Variants in FNTB observed in about 807,000 individuals in gnomAD.
FNTB encodes protein farnesyltransferase subunit beta.
In FNTB, 27 loss-of-function variants were observed where a neutral mutation model predicts 59.4. The ratio of observed to expected loss-of-function variants is 0.45; its 90% CI spans 0.34 to 0.63. FNTB has a LOEUF of 0.63. Ranked by LOEUF, FNTB falls within the 20% of genes least tolerant of loss-of-function variation. FNTB has a pLI of 0.02. For missense variants in FNTB, 449 were observed against 559.6 expected (o/e 0.80, Z 1.99); for synonymous variants, 230 against 220.7 (o/e 1.04, Z -0.37).
intron 7 of FNTB, 48 bp from the exon 8 acceptor site, chr14:65,040,742 A>G: frequency 1.3e-6 from 2 of 1,592,750 alleles, no homozygotes; most frequent in Non-Finnish European, 1.7e-6. Flanking sequence ...GGTCTTGTGT[A>G]CGTCCACTCA....
rs1431909150 is a variant in FNTB, at chr14:65,011,987, G to C, written c.210-330G>C. 6.6e-6 allele frequency among the ~76,000 whole-genome samples: 1 copy of C among 152,190 alleles called. No individual in the cohort carries two copies. Among genetic ancestry groups the C allele is most frequent in the Non-Finnish European group, 1.5e-5 (1 of 68,034 alleles). On this transcript the variant is annotated intron_variant, in intron 2 of 11. Coordinates refer to ENST00000246166, the MANE Select transcript of FNTB (RefSeq NM_002028.4). The surrounding 1 kb of genome is among the most constrained non-coding windows in gnomAD (Gnocchi z 4.0). ...CAAAGATATCTGTTCTTAGATGCTGGAGGAAGTTTCTGGGTGGACTGTCAT... is the reference window on the plus strand; with the variant it reads ...CAAAGATATCTGTTCTTAGATGCTGCAGGAAGTTTCTGGGTGGACTGTCAT...
chr14:65,043,690 C>T (rs1421646058), intron 8 of FNTB, among the ~76,000 whole-genome samples: 3 of 151,236 alleles, frequency 2.0e-5, no homozygotes, highest in South Asian at 2.1e-4. Context: ...GGCGCGGTGG[C>T]GGGCGCCTGT....
In FNTB at chr14:65,029,959, G is replaced by A. The variant is rs1038918953; in HGVS notation, c.605+2178G>A. On this transcript the variant is annotated intron_variant, in intron 6 of 11. Transcript: ENST00000246166. This position sits in a 1 kb window ranked among gnomAD's most constrained non-coding sequence, Gnocchi z 4.7. ...CTTGGATTTGGGTGATGGCAGCAAG[G>A]ATGGAAAGTTAGTGGACAAATTCAA... Among the ~76,000 whole-genome samples, 11 of 152,202 alleles carry A rather than the reference G, an allele frequency of 7.2e-5. No individual in the cohort carries two copies. Among genetic ancestry groups the A allele is most frequent in the African/African-American group, 1.9e-4 (8 of 41,458 alleles).
At chr14:65,025,255 C>T (rs1440748948) in intron 4 of FNTB, among the ~76,000 whole-genome samples, 1 of 152,094 alleles carries the variant, frequency 6.6e-6, no homozygotes. Context: ...AGTAGTGTTG[C>T]GTTCGGCACG....
At chr14:65,037,426 T>C (rs2062224311) in intron 7 of FNTB, among the ~76,000 whole-genome samples, 10 of 115,984 alleles carry the variant, frequency 8.6e-5, no homozygotes, top group Non-Finnish European at 1.2e-4. Flanking sequence ...TTTTTTTTTT[T>C]TTTTTTTTTT....
At chr14:65,019,078 C>G (rs948530653) in intron 4 of FNTB, among the ~76,000 whole-genome samples, 2 of 152,206 alleles carry the variant, frequency 1.3e-5, no homozygotes, top group Non-Finnish European at 2.9e-5. Context: ...GAGGCTGAGG[C>G]AGGAGACTCG....
chr14:64,995,347 CAT>C (rs1271884822), intron 1 of FNTB, among the ~76,000 whole-genome samples: 3 of 152,062 alleles, frequency 2.0e-5, no homozygotes, highest in Non-Finnish European at 4.4e-5. Flanking sequence ...GTATAGTAAA[CAT>C]GTGAATTAGT....
chr14:65,034,406 T>G (rs1257101510), intron 7 of FNTB, among the ~76,000 whole-genome samples: 1 of 152,258 alleles, frequency 6.6e-6, no homozygotes, highest in Non-Finnish European at 1.5e-5. Flanking sequence ...TTTTAATATC[T>G]TGCATGTATC....
intron 4 of FNTB, among the ~76,000 whole-genome samples, chr14:65,017,558 T>A (rs2061800877): frequency 1.3e-5 from 2 of 152,338 alleles, no homozygotes; most frequent in South Asian, 4.1e-4. Context: ...CAGCGCCGCT[T>A]CTGGGGCAAT....
chr14:65,006,034 T>C, intron 2 of FNTB: 4 of 1,175,942 alleles, frequency 3.4e-6, no homozygotes, highest in South Asian at 1.5e-5. Context: ...CTTTCCTCCT[T>C]CATCATGTCT....
rs192164198 is a variant in FNTB at position 65,032,307 on chromosome 14, C to T, written c.606-303C>T. On this transcript the variant is annotated intron_variant, in intron 6 of 11. Coordinates refer to ENST00000246166, the MANE Select transcript of FNTB (RefSeq NM_002028.4). This position sits in a 1 kb window ranked among gnomAD's most constrained non-coding sequence, Gnocchi z 5.0. ...CCATTATAGGTCTTTGAAAGAAGAG[C>T]TGAATCCACTTTTGACATGAATTGA... 9.9e-5 allele frequency: 25 copies of T among 252,596 alleles called. No homozygotes were observed. The East Asian group carries it at 1.8e-3, about 18-fold the overall frequency. 15.6% of individuals were successfully genotyped at this position (252,596 alleles called of 1,614,324 possible). A position where few individuals can be genotyped will look rare whatever the true frequency, so the allele number is the denominator to read the frequency against.
chr14:65,037,103 C>CT (rs542635964), intron 7 of FNTB, among the ~76,000 whole-genome samples: 127 of 144,054 alleles, frequency 8.8e-4, no homozygotes, highest in South Asian at 4.6e-3. Context: ...TGTGTTTGCT[C>CT]TTTTTTTTTT....
intron 2 of FNTB, among the ~76,000 whole-genome samples, chr14:65,004,559 A>G (rs1248142053): frequency 1.3e-5 from 2 of 152,212 alleles, no homozygotes; most frequent in Non-Finnish European, 2.9e-5. Context: ...CAATGCCTCA[A>G]TTCTGAGGTC....
chr14:65,024,159 G>A (rs1475604315), intron 4 of FNTB, among the ~76,000 whole-genome samples: 2 of 151,810 alleles, frequency 1.3e-5, no homozygotes, highest in African/African-American at 4.8e-5. Flanking sequence ...AATTAGAGCT[G>A]CAGTTTAGCA....
At chr14:65,037,953 C>T (rs370707711) in intron 7 of FNTB, among the ~76,000 whole-genome samples, 8 of 151,242 alleles carry the variant, frequency 5.3e-5, no homozygotes, top group South Asian at 2.1e-4. Flanking sequence ...CTAATTTTTA[C>T]GGGGTTTCGC....
At chr14:64,999,550 T>A (rs949737593) in intron 1 of FNTB, among the ~76,000 whole-genome samples, 14 of 152,108 alleles carry the variant, frequency 9.2e-5, no homozygotes, top group African/African-American at 3.1e-4. Flanking sequence ...TAAAATTGAT[T>A]GTGATGGATG....
Position 65,044,184 on chromosome 14 carries a change from A to T in FNTB, c.823-127A>T. On this transcript the variant is annotated intron_variant, in intron 8 of 11. Transcript: ENST00000246166. The surrounding 1 kb of genome is among the most constrained non-coding windows in gnomAD (Gnocchi z 5.5). ...GAAGGAAAGAAAACCAGAGCACCAA[A>T]ACTAGAGTGCCAAGAAGCCACAAGA... The T allele has an allele frequency of 1.3e-6, 2 of 1,532,264 alleles. No individual in the cohort carries two copies. The highest frequency in any genetic ancestry group is 4.5e-5 in the East Asian group (2 of 44,088). The allele number at this position is 1,532,264 out of a possible 1,614,324, so 94.9% of individuals were successfully genotyped here. A position where few individuals can be genotyped will look rare whatever the true frequency, so the allele number is the denominator to read the frequency against.
At chr14:65,039,919 T>A (rs1174256468) in intron 7 of FNTB, among the ~76,000 whole-genome samples, 1 of 152,204 alleles carries the variant, frequency 6.6e-6, no homozygotes, top group Non-Finnish European at 1.5e-5. Flanking sequence ...CCAAGTGCGG[T>A]GGCCCATGCC....
Position 65,009,424 on chromosome 14 carries a change from C to T in FNTB, c.210-2893C>T, listed in dbSNP as rs1237505158. Among the ~76,000 whole-genome samples, 4 of 152,160 alleles carry T rather than the reference C, an allele frequency of 2.6e-5. No homozygotes were observed. The highest frequency in any genetic ancestry group is 4.4e-5 in the Non-Finnish European group (3 of 68,026). ...CACACCCACCACCGTGGCCACTCCA[C>T]AGCTCTCCCACCATCTTGACTCCTA... On this transcript the variant is annotated intron_variant, in intron 2 of 11. Transcript: ENST00000246166. The surrounding 1 kb of genome is among the most constrained non-coding windows in gnomAD (Gnocchi z 4.2).
Sources: allele counts gnomAD v4.1 joint callset (sites outside exome capture counted in the v4.1 genomes callset), GRCh38; gene constraint gnomAD v4.1.1; non-coding constraint Gnocchi (gnomAD v3.1); transcripts MANE v1.5; gene names NCBI Gene and HGNC (gene_info 2026-07-23, HGNC 2026-07-21).